IFT46: variants seen among roughly 807,000 people sequenced by gnomAD.
IFT46 encodes the protein intraflagellar transport 46.
Under a neutral mutation model 39.6 loss-of-function variants are expected in IFT46, and 19 were observed. The ratio of observed to expected loss-of-function variants is 0.48; its 90% CI spans 0.33 to 0.70. IFT46 has a LOEUF of 0.70. IFT46 is among the 30% of genes least tolerant of loss of function. IFT46 has a pLI of 0.01. For missense variants in IFT46, 334 were observed against 364.8 expected (o/e 0.92, Z 0.69); for synonymous variants, 117 against 134.8 (o/e 0.87, Z 0.91).
intron 8 of IFT46, 26 bp downstream of exon 8, chr11:118,552,188 G>T: frequency 6.2e-7 from 1 of 1,613,568 alleles, no homozygotes; most frequent in Non-Finnish European, 8.5e-7. Context: ...ATGTGTTACT[G>T]TTGCAAAGAA....
At chr11:118,550,754 C>T (rs961981732) in intron 9 of IFT46, among the ~76,000 whole-genome samples, 5 of 152,120 alleles carry the variant, frequency 3.3e-5, no homozygotes, top group Non-Finnish European at 5.9e-5. Context: ...CTTGGCCAGG[C>T]GCGGTGGCTC....
At chr11:118,566,520 G>A (rs1481470939), upstream of IFT46, among the ~76,000 whole-genome samples, 2 of 151,918 alleles carry the variant, frequency 1.3e-5, no homozygotes, top group African/African-American at 2.4e-5. Context: ...GTGAAACCCC[G>A]TCTCTACTAA....
chr11:118,569,876 TTTG>T (rs1555072101), upstream of IFT46, among the ~76,000 whole-genome samples: 2 of 152,062 alleles, frequency 1.3e-5, no homozygotes, highest in African/African-American at 4.8e-5. Flanking sequence ...AAAAGCTGAC[TTTG>T]TTTTTTTGTT....
At chr11:118,548,790 C>CT (rs1190969434) in intron 9 of IFT46, among the ~76,000 whole-genome samples, 31 of 145,634 alleles carry the variant, frequency 2.1e-4, no homozygotes, top group Non-Finnish European at 2.1e-4. Flanking sequence ...TGCACCTGGC[C>CT]TTTTTTTTTT....
Position 118,545,015 on chromosome 11 carries a change from C to A in IFT46, c.820-4G>T. 1 of 1,599,432 alleles carries A rather than the reference C, an allele frequency of 6.3e-7. No individual in the cohort carries two copies. Among genetic ancestry groups the A allele is most frequent in the Non-Finnish European group, 8.6e-7 (1 of 1,167,900 alleles). On this transcript the variant is annotated splice_polypyrimidine_tract_variant and splice_region_variant and intron_variant, in intron 11 of 11. Coordinates refer to ENST00000264021, the MANE Select transcript of IFT46 (RefSeq NM_001168618.2). The stretch of plus-strand genomic sequence containing the variant: ...CTTCAGCGAGAGCTTTAAAATGCTG[C>A]AAGGAAGAGGAGAGGGAATATTGAG...
At chr11:118,551,028 CAAAA>C (rs202115759) in intron 9 of IFT46, among the ~76,000 whole-genome samples, 82 of 88,718 alleles carry the variant, frequency 9.2e-4, no homozygotes, top group African/African-American at 3.0e-3. Flanking sequence ...GAGACTGCCT[CAAAA>C]AAAAAAAAAA....
intron 4 of IFT46, among the ~76,000 whole-genome samples, chr11:118,555,918 G>A (rs1179644164): frequency 6.8e-6 from 1 of 148,134 alleles, no homozygotes; most frequent in African/African-American, 2.5e-5. Context: ...GCAAGACTCT[G>A]TCTCAAAAAA....
At chr11:118,551,392 C>T (rs1555068423) in intron 9 of IFT46, among the ~76,000 whole-genome samples, 1 of 150,562 alleles carries the variant, frequency 6.6e-6, no homozygotes, top group Non-Finnish European at 1.5e-5. Context: ...AATTAATGAT[C>T]GCTGGGTGGA....
intron 9 of IFT46, chr11:118,547,279 T>C (rs781934950): frequency 3.3e-5 from 5 of 152,190 alleles, no homozygotes; most frequent in Non-Finnish European, 7.3e-5. Flanking sequence ...GTCTATGGTA[T>C]GTTAGAAGAT....
Position 118,557,742 on chromosome 11 carries a change from C to T in IFT46, c.46-697G>A, listed in dbSNP as rs782610787. ...GTTCTTGACATTATAACCTACCTTTCTGTGCTTCTGGCTCTCTCTGTACCA... is the reference window on the plus strand; with the variant it reads ...GTTCTTGACATTATAACCTACCTTTTTGTGCTTCTGGCTCTCTCTGTACCA... On this transcript the variant is annotated intron_variant, in intron 3 of 11. Transcript: ENST00000264021. The T allele has an allele frequency of 3.1e-6, 5 of 1,614,056 alleles. No individual in the cohort carries two copies. The Admixed American group carries it at 8.3e-5, about 27-fold the overall frequency.
chr11:118,564,827 G>C (rs1938173257), intron 2 of IFT46, 138 bp downstream of exon 2: 1 of 152,392 alleles, frequency 6.6e-6, no homozygotes, highest in South Asian at 2.1e-4. Flanking sequence ...CCCTTAACTA[G>C]TCAGAAAACA....
In IFT46 at chr11:118,559,884, C is replaced by A; in HGVS notation, c.-35-20G>T. On this transcript the variant is annotated intron_variant, in intron 2 of 11. Transcript: ENST00000264021. ...GAAGTCCTTAGAAAAAAAGTTTTTC[C>A]TTTAGATTATTGTTAAAATGATTTT... 1 of 1,383,392 alleles carries A rather than the reference C, an allele frequency of 7.2e-7. No individual in the cohort carries two copies. Among genetic ancestry groups the A allele is most frequent in the Non-Finnish European group, 1.0e-6 (1 of 978,458 alleles). The allele number at this position is 1,383,392 out of a possible 1,614,324, so 85.7% of individuals were successfully genotyped here. A position where few individuals can be genotyped will look rare whatever the true frequency, so the allele number is the denominator to read the frequency against.
At chr11:118,568,857 T>C (rs565049871), upstream of IFT46, among the ~76,000 whole-genome samples, 4 of 151,020 alleles carry the variant, frequency 2.6e-5, no homozygotes, top group Non-Finnish European at 5.9e-5. Context: ...GGTTTCACCA[T>C]GTTGCTCAGG....
At chr11:118,568,316 G>A (rs550878751), upstream of IFT46, among the ~76,000 whole-genome samples, 33 of 152,258 alleles carry the variant, frequency 2.2e-4, no homozygotes, top group African/African-American at 6.3e-4. Flanking sequence ...TTGGGAGGCC[G>A]AGGCAGGTGG....
In IFT46 at chr11:118,544,955, G is replaced by C. The variant is rs782608683; in HGVS notation, c.876C>G (p.Thr292=). 6.2e-7 allele frequency: 1 copy of C among 1,613,822 alleles called. No individual in the cohort carries two copies. Among genetic ancestry groups the C allele is most frequent in the South Asian group, 1.1e-5 (1 of 90,980 alleles). ...KKAFTPSSNS[T]SQAGDMETLT... ...ATGTCTCCATGTCTCCAGCTTGGGAGGTGGAATTGGATGAAGGAGTGAATG... is the reference window on the plus strand; with the variant it reads ...ATGTCTCCATGTCTCCAGCTTGGGACGTGGAATTGGATGAAGGAGTGAATG... The change falls in exon 12 of 12, where the codon ACC becomes ACG. Residue 292 remains threonine, a synonymous_variant. Transcript: ENST00000264021.
upstream of IFT46, chr11:118,573,645 G>GT (rs1169997648): frequency 1.4e-6 from 1 of 702,066 alleles, no homozygotes; most frequent in African/African-American, 1.7e-5. Flanking sequence ...ACATCGTCCA[G>GT]TGTACCTGAG....
At chr11:118,547,744 C>CTTTTTTTTTTTTTT (rs1233612951) in intron 9 of IFT46, among the ~76,000 whole-genome samples, 2 of 91,176 alleles carry the variant, frequency 2.2e-5, no homozygotes, top group African/African-American at 3.8e-5. Context: ...CTTTTCTTTT[C>CTTTTTTTTTTTTTT]TTTTTTTTTT....
At chr11:118,547,473 C>G (rs1951712882) in intron 9 of IFT46, among the ~76,000 whole-genome samples, 1 of 152,118 alleles carries the variant, frequency 6.6e-6, no homozygotes, top group Admixed American at 6.6e-5. Flanking sequence ...GACTGGAGTG[C>G]AGTGGCATGA....
At chr11:118,558,773 A>G in intron 3 of IFT46, among the ~76,000 whole-genome samples, 1 of 150,782 alleles carries the variant, frequency 6.6e-6, no homozygotes, top group East Asian at 2.0e-4. Flanking sequence ...AAAATTAGCC[A>G]GGCGAGTTGG....
Sources: gnomAD v4.1 joint callset for allele counts (sites outside exome capture counted in the v4.1 genomes callset) on GRCh38, gnomAD v4.1.1 for gene constraint, MANE v1.5 for transcripts, NCBI Gene and HGNC (gene_info 2026-07-23, HGNC 2026-07-21) for gene names.